Variants in DCAF17 observed in about 807,000 individuals in gnomAD.
The protein encoded by DCAF17 is DDB1 and CUL4 associated factor 17.
A neutral mutation model predicts 66.0 loss-of-function variants in DCAF17; 48 were observed. The observed-to-expected ratio is 0.73, with a 90% CI of 0.58 to 0.92. The LOEUF (loss-of-function observed/expected upper bound fraction) is 0.92. Among genes scored for constraint, DCAF17 ranks in the 40% least tolerant of loss-of-function variants. The probability of loss-of-function intolerance (pLI) is 0.00; values close to 1 mark genes in which losing one functional copy is unlikely to be tolerated. For synonymous variants in DCAF17, 206 were observed against 214.6 expected (o/e 0.96, Z 0.35); for missense variants, 562 against 622.8 (o/e 0.90, Z 1.04).
chr2:171,447,666 C>CA (rs1369489067), intron 3 of DCAF17, among the ~76,000 whole-genome samples: 1 of 152,060 alleles, frequency 6.6e-6, no homozygotes, highest in Non-Finnish European at 1.5e-5. Context: ...CTAGCCACTT[C>CA]TTTTTTTCCT....
At chr2:171,462,020 ATGAG>A (rs781052412) in intron 8 of DCAF17, among the ~76,000 whole-genome samples, 1 of 152,178 alleles carries the variant, frequency 6.6e-6, no homozygotes, top group Non-Finnish European at 1.5e-5. Flanking sequence ...TTAATATATT[ATGAG>A]TATTTCCATC....
chr2:171,448,554 T>G, intron 3 of DCAF17, 127 bp from the exon 4 acceptor site: 3 of 809,782 alleles, frequency 3.7e-6, no homozygotes, highest in Non-Finnish European at 3.6e-6. Flanking sequence ...TAGTTGGGCA[T>G]TTAATCTTTC....
intron 2 of DCAF17, among the ~76,000 whole-genome samples, chr2:171,435,644 A>G (rs768800288): frequency 1.3e-5 from 2 of 151,856 alleles, no homozygotes; most frequent in African/African-American, 2.4e-5. Context: ...ACTGTCCAAC[A>G]TGAGGGGGGA....
rs751971793 is a variant in DCAF17, at chr2:171,480,117, A to G, written c.1346A>G (p.Lys449Arg). ...GTTACTCAAATAGATGCTGAAGGAAAAGCTCACCTGGATTTCCACTGTAAT... is the reference window on the plus strand; with the variant it reads ...GTTACTCAAATAGATGCTGAAGGAAGAGCTCACCTGGATTTCCACTGTAAT... ...VAVTQIDAEG[K>R]AHLDFHCNEY... The change falls in exon 13 of 14, where the codon AAA becomes AGA. Residue 449 changes from lysine to arginine, a missense_variant. This residue lies in a region of DCAF17 where 201 missense variants were observed against 231.1 expected (regional missense o/e 0.87). Coordinates refer to ENST00000375255, the MANE Select transcript of DCAF17 (RefSeq NM_025000.4). The G allele has an allele frequency of 6.2e-7, 1 of 1,613,862 alleles. No homozygotes were observed. The highest frequency in any genetic ancestry group is 8.5e-7 in the Non-Finnish European group (1 of 1,179,832).
chr2:171,475,594 G>A (rs577680366), intron 10 of DCAF17, among the ~76,000 whole-genome samples: 2 of 152,028 alleles, frequency 1.3e-5, no homozygotes, highest in Non-Finnish European at 1.5e-5. Flanking sequence ...GTGAGACTTC[G>A]TCTCTACAAA....
chr2:171,444,664 G>A (rs973809269), intron 3 of DCAF17, among the ~76,000 whole-genome samples: 1 of 152,188 alleles, frequency 6.6e-6, no homozygotes, highest in African/African-American at 2.4e-5. Flanking sequence ...TATAGGATCA[G>A]TGCTTATTCT....
At chr2:171,444,659 G>A (rs1694513482) in intron 3 of DCAF17, among the ~76,000 whole-genome samples, 1 of 152,172 alleles carries the variant, frequency 6.6e-6, no homozygotes, top group African/African-American at 2.4e-5. Flanking sequence ...TTTTCTATAG[G>A]ATCAGTGCTT....
At chr2:171,441,147 G>C (rs1029632484) in intron 2 of DCAF17, among the ~76,000 whole-genome samples, 1 of 152,106 alleles carries the variant, frequency 6.6e-6, no homozygotes, top group Non-Finnish European at 1.5e-5. Flanking sequence ...TTTTGTTAGT[G>C]CTCCTAGGCC....
chr2:171,464,343 G>A (rs1695765161), intron 8 of DCAF17, among the ~76,000 whole-genome samples: 1 of 152,162 alleles, frequency 6.6e-6, no homozygotes, highest in Admixed American at 6.6e-5. Flanking sequence ...AGGCTCTAGG[G>A]AAGAATCCTT....
Position 171,481,343 on chromosome 2 carries a change from T to C in DCAF17, c.*229T>C. On this transcript the variant is annotated 3_prime_UTR_variant, in exon 14 of 14. Coordinates refer to ENST00000375255, the MANE Select transcript of DCAF17 (RefSeq NM_025000.4). ...TACTGTTCCAAGAAGTTTAGTGTTT[T>C]GCAGCTTTGAGCTAGGTGGTAATGC... is the stretch of plus-strand genomic sequence containing the variant. The C allele has an allele frequency of 1.6e-6, 1 of 614,132 alleles. No homozygotes were observed. The highest frequency in any genetic ancestry group is 3.0e-6 in the Non-Finnish European group (1 of 333,010). 38.0% of individuals were successfully genotyped at this position (614,132 alleles called of 1,614,324 possible).
intron 5 of DCAF17, among the ~76,000 whole-genome samples, chr2:171,452,188 A>T (rs1260241428): frequency 6.6e-6 from 1 of 152,046 alleles, no homozygotes; most frequent in Non-Finnish European, 1.5e-5. Flanking sequence ...AGCAGTTTTG[A>T]TTGGTGTTTC....
At chr2:171,471,884 G>A (rs978070986) in intron 9 of DCAF17, among the ~76,000 whole-genome samples, 2 of 151,952 alleles carry the variant, frequency 1.3e-5, no homozygotes, top group African/African-American at 4.8e-5. Flanking sequence ...GTGTGGTGGT[G>A]CACACCTGTG....
In DCAF17 at chr2:171,481,750, A is replaced by T. The variant is rs1023751854; in HGVS notation, c.*636A>T. ...TTTGTTCTCTTGGCTTGATGTTCACATTGAATATTTGTGTTTCTATATAGG... is the reference window on the plus strand; with the variant it reads ...TTTGTTCTCTTGGCTTGATGTTCACTTTGAATATTTGTGTTTCTATATAGG... On this transcript the variant is annotated 3_prime_UTR_variant, in exon 14 of 14. Coordinates refer to ENST00000375255, the MANE Select transcript of DCAF17 (RefSeq NM_025000.4). 1.3e-5 allele frequency: 6 copies of T among 453,630 alleles called. No homozygotes were observed. Among genetic ancestry groups the T allele is most frequent in the Admixed American group, 9.4e-5 (4 of 42,506 alleles). 28.1% of individuals were successfully genotyped at this position (453,630 alleles called of 1,614,324 possible). A position where few individuals can be genotyped will look rare whatever the true frequency, so the allele number is the denominator to read the frequency against.
At chr2:171,479,940 G>A (rs1333120368) in intron 12 of DCAF17, 98 bp from the exon 13 acceptor site, 5 of 1,335,676 alleles carry the variant, frequency 3.7e-6, no homozygotes, top group Non-Finnish European at 5.3e-6. Flanking sequence ...CCATATTTTT[G>A]TAAGTAATAG....
chr2:171,470,799 A>G (rs1419245667), intron 9 of DCAF17, among the ~76,000 whole-genome samples: 2 of 152,168 alleles, frequency 1.3e-5, no homozygotes, highest in African/African-American at 4.8e-5. Flanking sequence ...TATTTCATAC[A>G]CAAACACACG....
chr2:171,442,741 G>A (rs894146159), intron 2 of DCAF17, among the ~76,000 whole-genome samples: 2 of 151,604 alleles, frequency 1.3e-5, no homozygotes, highest in African/African-American at 2.4e-5. Flanking sequence ...TTAGCTAAGC[G>A]TAGTAGCATG....
rs1696883078 is a variant in DCAF17 at position 171,484,761 on chromosome 2, T to G, written c.*3647T>G. 1 of 453,704 alleles carries G rather than the reference T, an allele frequency of 2.2e-6. No homozygotes were observed. The highest frequency in any genetic ancestry group is 2.0e-5 in the African/African-American group (1 of 49,898). The allele number at this position is 453,704 out of a possible 1,614,324, so 28.1% of individuals were successfully genotyped here. A position where few individuals can be genotyped will look rare whatever the true frequency, so the allele number is the denominator to read the frequency against. On this transcript the variant is annotated 3_prime_UTR_variant, in exon 14 of 14. Coordinates refer to ENST00000375255, the MANE Select transcript of DCAF17 (RefSeq NM_025000.4). ...TCCCAGTCTATCCCCTCCCCACCCC[T>G]CAGGTATAACTACTGTTCTCATTCT...
At chr2:171,440,749 G>A (rs1356461194) in intron 2 of DCAF17, among the ~76,000 whole-genome samples, 13 of 152,036 alleles carry the variant, frequency 8.6e-5, no homozygotes, top group Admixed American at 8.5e-4. Context: ...CCCATTGTTG[G>A]CTCCAGTGGC....
intron 8 of DCAF17, among the ~76,000 whole-genome samples, chr2:171,463,224 T>TAA (rs945893879): frequency 6.5e-5 from 9 of 137,704 alleles, no homozygotes; most frequent in Non-Finnish European, 1.1e-4. Context: ...AGCGAGATTT[T>TAA]AAAAAAAAAA....
Sources: gnomAD v4.1 joint callset for allele counts (sites outside exome capture counted in the v4.1 genomes callset) on GRCh38, gnomAD v4.1.1 for gene constraint, gnomAD v4.1.1 regional missense constraint, MANE v1.5 for transcripts, NCBI Gene and HGNC (gene_info 2026-07-23, HGNC 2026-07-21) for gene names.